ZBTB20: variants seen among roughly 807,000 people sequenced by gnomAD.
ZBTB20 encodes zinc finger and BTB domain containing 20.
In ZBTB20, 9 loss-of-function variants were observed where a neutral mutation model predicts 56.9. That is an observed-to-expected ratio of 0.16 (90% CI 0.10 to 0.28). ZBTB20 has a LOEUF of 0.28. ZBTB20 is among the 10% of genes least tolerant of loss of function. ZBTB20 has a pLI of 1.00. For synonymous variants in ZBTB20, 417 were observed against 420.7 expected, an observed-to-expected ratio of 0.99 and a Z score of 0.11; for missense variants, 655 against 1,003.0, an observed-to-expected ratio of 0.65 and a Z score of 4.69.
chr3:115,132,999 A>G (rs184058879), intron 1 of ZBTB20, among the ~76,000 whole-genome samples: 1 of 152,338 alleles, frequency 6.6e-6, no homozygotes, highest in African/African-American at 2.4e-5. Flanking sequence ...ATTTTTTAAT[A>G]TACTTCGTAA....
rs548824046 is a variant in ZBTB20, at chr3:114,334,434, G to A, written c.*4571C>T. 1 of 152,324 alleles carries A rather than the reference G, an allele frequency of 6.6e-6. No individual in the cohort carries two copies. The highest frequency in any genetic ancestry group is 2.4e-5 in the African/African-American group (1 of 41,554). The allele number at this position is 152,324 out of a possible 1,614,324, so 9.4% of individuals were successfully genotyped here. A position where few individuals can be genotyped will look rare whatever the true frequency, so the allele number is the denominator to read the frequency against. ...GAGAAAATATTGAGTTTTGGGCGCAGGCAGAGCACAGACAGGACAGCTGGT... is the reference window on the plus strand; with the variant it reads ...GAGAAAATATTGAGTTTTGGGCGCAAGCAGAGCACAGACAGGACAGCTGGT... On this transcript the variant is annotated 3_prime_UTR_variant, in exon 12 of 12. Transcript: ENST00000675478.
At chr3:114,860,289 G>A (rs1420887592) in intron 4 of ZBTB20, among the ~76,000 whole-genome samples, 1 of 139,244 alleles carries the variant, frequency 7.2e-6, no homozygotes, top group Non-Finnish European at 1.5e-5. Flanking sequence ...CCTGACAACA[G>A]AGCAAGACTC....
At position 114,374,147 on chromosome 3, in the gene ZBTB20, TA is replaced by T. The variant is rs1296708685; in HGVS notation, c.199+6069del. On this transcript the variant is annotated intron_variant, in intron 10 of 11. Coordinates refer to ENST00000675478, the MANE Select transcript of ZBTB20 (RefSeq NM_001348800.3). The stretch of plus-strand genomic sequence containing the variant: ...CCAAAGAGATTATATATCAATTAAC[TA>T]AGAGGCAGAAAGGTGACTTTTTAAA... Among the ~76,000 whole-genome samples, 9 of 152,156 alleles carry T rather than the reference TA, an allele frequency of 5.9e-5. 1 individual carries two copies. Among genetic ancestry groups the T allele is most frequent in the Admixed American group, 2.0e-4 (3 of 15,282 alleles).
chr3:115,066,692 A>G (rs1353696789), intron 2 of ZBTB20, among the ~76,000 whole-genome samples: 5 of 152,050 alleles, frequency 3.3e-5, no homozygotes, highest in Non-Finnish European at 5.9e-5. Context: ...CATGATAGGC[A>G]CCTACTTATC....
chr3:114,692,347 C>T (rs1423009030), intron 6 of ZBTB20, among the ~76,000 whole-genome samples: 2 of 152,026 alleles, frequency 1.3e-5, no homozygotes, highest in Non-Finnish European at 2.9e-5. Context: ...GATGGATATG[C>T]TCAGAGAGAC....
chr3:114,857,126 C>G (rs1576125448), intron 4 of ZBTB20, among the ~76,000 whole-genome samples: 1 of 152,058 alleles, frequency 6.6e-6, no homozygotes, highest in East Asian at 1.9e-4. Context: ...GAGTTCTTAC[C>G]CCCACTTCTA....
intron 5 of ZBTB20, among the ~76,000 whole-genome samples, chr3:114,720,644 G>T (rs918471862): frequency 7.2e-5 from 11 of 152,020 alleles, no homozygotes; most frequent in African/African-American, 2.7e-4. Context: ...GAAATAAAGG[G>T]CTAAATTTGG....
intron 6 of ZBTB20, among the ~76,000 whole-genome samples, chr3:114,598,686 G>T (rs1380577944): frequency 1.3e-5 from 2 of 151,940 alleles, no homozygotes; most frequent in African/African-American, 2.4e-5. Context: ...CGAGTGGTAA[G>T]GTTATGAGGA....
chr3:114,923,358 C>A (rs2076030121), intron 3 of ZBTB20, among the ~76,000 whole-genome samples: 1 of 152,022 alleles, frequency 6.6e-6, no homozygotes, highest in Non-Finnish European at 1.5e-5. Flanking sequence ...AGTTTGGTAC[C>A]AGCATAAAAA....
Position 114,351,747 on chromosome 3 carries a change from G to A in ZBTB20, c.331C>T (p.His111Tyr). ...GHFCDVTVRI[H>Y]GSMLRAHRCV... ...CGGTGTGCGCGCAGCATGCTCCCGT[G>A]GATGCGCACCGTTACGTCACAGAAG... Residue 111 changes from histidine (H) to tyrosine (Y), a missense_variant, in exon 11 of 12, where the codon CAC (histidine) becomes TAC (tyrosine). Transcript: ENST00000675478. The A allele has an allele frequency of 1.2e-6, 2 of 1,614,102 alleles. No individual in the cohort carries two copies. The highest frequency in any genetic ancestry group is 1.7e-6 in the Non-Finnish European group (2 of 1,180,016).
chr3:114,971,694 C>T (rs1039838812), intron 3 of ZBTB20, among the ~76,000 whole-genome samples: 10 of 152,064 alleles, frequency 6.6e-5, no homozygotes, highest in African/African-American at 2.4e-4. Flanking sequence ...TTTACAGGCA[C>T]ATAAATGCAG....
intron 3 of ZBTB20, among the ~76,000 whole-genome samples, chr3:114,938,802 C>G (rs1469409037): frequency 6.9e-6 from 1 of 145,170 alleles, no homozygotes; most frequent in Non-Finnish European, 1.5e-5. Flanking sequence ...GCACACATAT[C>G]CCAGAACTTA....
At chr3:114,874,953 C>G (rs766457065) in intron 4 of ZBTB20, among the ~76,000 whole-genome samples, 2 of 152,164 alleles carry the variant, frequency 1.3e-5, no homozygotes, top group Non-Finnish European at 2.9e-5. Flanking sequence ...GGGGGAGGAG[C>G]TTTCTATGTG....
chr3:115,025,350 G>T (rs1448526085), intron 2 of ZBTB20, among the ~76,000 whole-genome samples: 1 of 151,256 alleles, frequency 6.6e-6, no homozygotes, highest in Non-Finnish European at 1.5e-5. Context: ...GTCTATCATT[G>T]ATGGGCATTT....
intron 5 of ZBTB20, among the ~76,000 whole-genome samples, chr3:114,764,579 A>G (rs1186402708): frequency 6.6e-6 from 1 of 152,210 alleles, no homozygotes; most frequent in Non-Finnish European, 1.5e-5. Context: ...TGTTTATTGA[A>G]TGACGGAAGT....
chr3:114,985,142 T>C (rs925288567), intron 2 of ZBTB20, among the ~76,000 whole-genome samples: 10 of 152,120 alleles, frequency 6.6e-5, no homozygotes, highest in African/African-American at 1.9e-4. Flanking sequence ...AACTGACTCA[T>C]TGTCGATTTT....
intron 6 of ZBTB20, among the ~76,000 whole-genome samples, chr3:114,667,019 C>T (rs989014769): frequency 5.9e-5 from 9 of 152,034 alleles, no homozygotes; most frequent in South Asian, 4.1e-4. Context: ...TGTGTAAAAG[C>T]GTAAAATGAA....
Position 115,067,194 on chromosome 3 carries a change from T to C in ZBTB20, c.-507+4025A>G, listed in dbSNP as rs188434372. On this transcript the variant is annotated intron_variant, in intron 2 of 11. Coordinates refer to ENST00000675478, the MANE Select transcript of ZBTB20 (RefSeq NM_001348800.3). ...AGACAGGACTGTGTCTTAATCATCTTTACATTCCCTACTATGCCAAATACT... is the reference window on the plus strand; with the variant it reads ...AGACAGGACTGTGTCTTAATCATCTCTACATTCCCTACTATGCCAAATACT... 2.4e-3 allele frequency among the ~76,000 whole-genome samples: 361 copies of C among 152,158 alleles called. 3 individuals are homozygous for C. The highest frequency in any genetic ancestry group is 8.2e-3 in the African/African-American group (340 of 41,544).
intron 3 of ZBTB20, among the ~76,000 whole-genome samples, chr3:114,916,771 T>C (rs1407258113): frequency 6.6e-6 from 1 of 152,148 alleles, no homozygotes; most frequent in African/African-American, 2.4e-5. Context: ...AGATGCTCTG[T>C]TGTATGTTAT....
Sources: gnomAD v4.1 joint callset for allele counts (sites outside exome capture counted in the v4.1 genomes callset) on GRCh38, gnomAD v4.1.1 for gene constraint, MANE v1.5 for transcripts, NCBI Gene and HGNC (gene_info 2026-07-23, HGNC 2026-07-21) for gene names.